HOATZ: variants seen among roughly 807,000 people sequenced by gnomAD.
The protein encoded by HOATZ is HOATZ cilia and flagella associated protein.
HOATZ carries 26 observed loss-of-function variants against 24.9 expected under a neutral mutation model. That is an observed-to-expected ratio of 1.04 (90% CI 0.76 to 1.45). The LOEUF is 1.45. Among genes scored for constraint, HOATZ ranks in the 40% most tolerant of loss-of-function variants. The probability of loss-of-function intolerance (pLI) is 0.00; values close to 1 mark genes in which losing one functional copy is unlikely to be tolerated. For missense variants in HOATZ, 226 were observed against 201.5 expected (o/e 1.12, Z -0.74); for synonymous variants, 83 against 76.6 (o/e 1.08, Z -0.43).
At chr11:111,529,779 T>C (rs546785516) in intron 3 of HOATZ, among the ~76,000 whole-genome samples, 3 of 152,324 alleles carry the variant, frequency 2.0e-5, no homozygotes, top group Admixed American at 1.3e-4. Flanking sequence ...TTCTAAAGTC[T>C]AGTGTTTATT....
chr11:111,533,873 G>A, intron 4 of HOATZ, 68 bp downstream of exon 4: 1 of 1,181,776 alleles, frequency 8.5e-7, no homozygotes, highest in South Asian at 1.6e-5. Flanking sequence ...TTTTGCAGAG[G>A]TTTTATAGAT....
chr11:111,532,688 C>A (rs1435153381), intron 3 of HOATZ, among the ~76,000 whole-genome samples: 1 of 152,170 alleles, frequency 6.6e-6, no homozygotes, highest in Non-Finnish European at 1.5e-5. Context: ...TTAAGCCACG[C>A]AGTGTGTGGT....
chr11:111,514,907 G>C lies in HOATZ; in HGVS notation c.123G>C (p.Trp41Cys). Reference sequence around the variant, plus strand: ...ATGCCAACTTGGCTAAGCAGTTCTGGATCTCGGCGTCGATGTATCCCCCTA... The same window carrying C: ...ATGCCAACTTGGCTAAGCAGTTCTGCATCTCGGCGTCGATGTATCCCCCTA... ...EQDANLAKQF[W>C]ISASMYPPSE... Residue 41 changes from tryptophan (W) to cysteine (C), a missense_variant, in exon 1 of 6, where the codon TGG becomes TGC. Physicochemically the swap from Trp to Cys is radical, Grantham distance 215 (BLOSUM62 -2). Coordinates refer to ENST00000375618, the MANE Select transcript of HOATZ (RefSeq NM_001100388.2). 1.2e-6 allele frequency: 2 copies of C among 1,614,166 alleles called. No individual in the cohort carries two copies. The highest frequency in any genetic ancestry group is 1.7e-6 in the Non-Finnish European group (2 of 1,180,034).
chr11:111,536,459 G>T (rs1867451525), intron 5 of HOATZ: 2 of 216,864 alleles, frequency 9.2e-6, no homozygotes, highest in South Asian at 2.1e-4. Context: ...CATTTTAAAA[G>T]AAGTCTGAAT....
At position 111,528,007 on chromosome 11, in the gene HOATZ, T is replaced by G. The variant is rs1867357325; in HGVS notation, c.340-5739T>G. 2.0e-5 allele frequency among the ~76,000 whole-genome samples: 3 copies of G among 152,182 alleles called. No individual in the cohort carries two copies. The South Asian group carries it at 6.2e-4, about 31-fold the overall frequency. On this transcript the variant is annotated intron_variant, in intron 3 of 5. Transcript: ENST00000375618. ...TAGTACACCTATAGACAGTTAACTCTCAATCACTGGGATAGAATTAAAAAT... is the reference window on the plus strand; with the variant it reads ...TAGTACACCTATAGACAGTTAACTCGCAATCACTGGGATAGAATTAAAAAT...
At chr11:111,531,424 A>T (rs1444064255) in intron 3 of HOATZ, among the ~76,000 whole-genome samples, 4 of 152,220 alleles carry the variant, frequency 2.6e-5, no homozygotes. Context: ...TAAGAGACAA[A>T]GCAGGAACAG....
At chr11:111,536,740 A>G in intron 5 of HOATZ, 30 bp from the exon 6 acceptor site, 1 of 1,569,900 alleles carries the variant, frequency 6.4e-7, no homozygotes, top group Non-Finnish European at 8.8e-7. Context: ...AGTTCTGTGT[A>G]TTGGAACTGA....
At chr11:111,524,205 T>C (rs1867305926) in intron 3 of HOATZ, among the ~76,000 whole-genome samples, 4 of 152,214 alleles carry the variant, frequency 2.6e-5, no homozygotes, top group African/African-American at 9.7e-5. Context: ...CCCAGAGGCC[T>C]CAGACTCATA....
Position 111,534,729 on chromosome 11 carries a change from C to G in HOATZ, c.452+265C>G, listed in dbSNP as rs1342675068. ...TGAAGCTCTGTGCACATTCTCTGTCCCTCTCTTCTCACCCTGGGCTATATA... is the reference window on the plus strand; with the variant it reads ...TGAAGCTCTGTGCACATTCTCTGTCGCTCTCTTCTCACCCTGGGCTATATA... On this transcript the variant is annotated intron_variant, in intron 5 of 5. Coordinates refer to ENST00000375618, the MANE Select transcript of HOATZ (RefSeq NM_001100388.2). 2.2e-5 allele frequency: 9 copies of G among 414,312 alleles called. No homozygotes were observed. The East Asian group carries it at 3.9e-4, about 18-fold the overall frequency. 25.7% of individuals were successfully genotyped at this position (414,312 alleles called of 1,614,324 possible). A position where few individuals can be genotyped will look rare whatever the true frequency, so the allele number is the denominator to read the frequency against.
chr11:111,528,167 A>AG (rs1364075742), intron 3 of HOATZ, among the ~76,000 whole-genome samples: 4 of 151,540 alleles, frequency 2.6e-5, no homozygotes, highest in African/African-American at 9.7e-5. Flanking sequence ...ACCAAAAAAA[A>AG]AAAAATCGTT....
intron 1 of HOATZ, 99 bp downstream of exon 1, chr11:111,515,109 C>T: frequency 1.3e-6 from 1 of 769,958 alleles, no homozygotes; most frequent in Non-Finnish European, 2.2e-6. Context: ...ATGGTATATA[C>T]AAATAGTTAT....
chr11:111,524,273 G>C (rs138620674), intron 3 of HOATZ, among the ~76,000 whole-genome samples: 3 of 152,238 alleles, frequency 2.0e-5, no homozygotes, highest in Non-Finnish European at 2.9e-5. Context: ...ACAGAAAAGA[G>C]TGGAAGTACA....
intron 3 of HOATZ, among the ~76,000 whole-genome samples, chr11:111,525,484 C>G (rs1418479373): frequency 2.0e-5 from 3 of 152,132 alleles, no homozygotes; most frequent in Non-Finnish European, 2.9e-5. Context: ...AGGTTTTACT[C>G]CAGACATGTG....
At chr11:111,518,742 T>C (rs1867235338) in intron 3 of HOATZ, among the ~76,000 whole-genome samples, 1 of 152,242 alleles carries the variant, frequency 6.6e-6, no homozygotes, top group Non-Finnish European at 1.5e-5. Context: ...AGAAGCACTA[T>C]TTCCAGCTCT....
chr11:111,534,048 A>G (rs1440897244), intron 4 of HOATZ, among the ~76,000 whole-genome samples: 2 of 152,230 alleles, frequency 1.3e-5, no homozygotes, highest in African/African-American at 4.8e-5. Context: ...AGTGGAGTTT[A>G]CTGTTCACAT....
chr11:111,518,647 A>C (rs1867234589), intron 3 of HOATZ, among the ~76,000 whole-genome samples: 1 of 152,252 alleles, frequency 6.6e-6, no homozygotes, highest in Non-Finnish European at 1.5e-5. Context: ...GATTTGTTGT[A>C]TCATAATGAT....
intron 3 of HOATZ, among the ~76,000 whole-genome samples, chr11:111,532,168 C>CCACATAG (rs890809724): frequency 6.6e-6 from 1 of 152,114 alleles, no homozygotes; most frequent in Admixed American, 6.5e-5. Flanking sequence ...TATATTAACC[C>CCACATAG]CACATAGCAC....
chr11:111,519,215 A>C, intron 3 of HOATZ: 2 of 250,092 alleles, frequency 8.0e-6, no homozygotes, highest in South Asian at 9.5e-5. Context: ...GCCACAGTTT[A>C]CCCTCAACAA....
chr11:111,529,765 T>A (rs908945702), intron 3 of HOATZ, among the ~76,000 whole-genome samples: 1 of 152,214 alleles, frequency 6.6e-6, no homozygotes, highest in African/African-American at 2.4e-5. Flanking sequence ...AGAAAGGACC[T>A]TTCTTCTAAA....
Sources: allele counts gnomAD v4.1 joint callset (sites outside exome capture counted in the v4.1 genomes callset), GRCh38; gene constraint gnomAD v4.1.1; transcripts MANE v1.5; gene names NCBI Gene and HGNC (gene_info 2026-07-23, HGNC 2026-07-21).